The following POU6F2 variants were observed in gnomAD, a reference collection of about 807,000 sequenced individuals.
POU6F2 encodes the protein POU domain, class 6, transcription factor 2.
In POU6F2, 31 loss-of-function variants were observed where a neutral mutation model predicts 71.3. The ratio of observed to expected loss-of-function variants is 0.43; its 90% confidence interval spans 0.33 to 0.59. The LOEUF (loss-of-function observed/expected upper bound fraction) is 0.59, where lower values mean the gene tolerates loss of function less well. Ranked by LOEUF, POU6F2 falls within the 20% of genes least tolerant of loss-of-function variation. POU6F2 has a pLI of 0.04. For synonymous variants in POU6F2, 347 were observed against 355.7 expected, an observed-to-expected ratio of 0.98 and a Z score of 0.27; for missense variants, 783 against 856.8, an observed-to-expected ratio of 0.91 and a Z score of 1.07.
At position 39,064,967 on chromosome 7, in the gene POU6F2, C is replaced by T. The variant is rs139777215; in HGVS notation, c.106-20893C>T. On this transcript the variant is annotated intron_variant, in intron 1 of 9. Transcript: ENST00000518318. The stretch of plus-strand genomic sequence containing the variant: ...CAATGCGAAGTTGATTAAAAACCAG[C>T]ATTGTGAGAAATATTAACTCATCGG... Among the ~76,000 whole-genome samples the T allele has an allele frequency of 6.8e-3, 1,040 of 151,928 alleles. 11 individuals are homozygous for T. Among genetic ancestry groups the T allele is most frequent in the African/African-American group, 0.023 (969 of 41,552 alleles).
intron 4 of POU6F2, among the ~76,000 whole-genome samples, chr7:39,311,468 A>G (rs1223514646): frequency 1.3e-5 from 2 of 152,210 alleles, no homozygotes; most frequent in Non-Finnish European, 2.9e-5. Context: ...TTCCTCCGCT[A>G]GAACGTAAGC....
intron 5 of POU6F2, among the ~76,000 whole-genome samples, chr7:39,380,180 AT>A: frequency 6.6e-6 from 1 of 152,192 alleles, no homozygotes; most frequent in Non-Finnish European, 1.5e-5. Flanking sequence ...GGCCTAAAAA[AT>A]TCTCTTTTAT....
At chr7:39,430,151 A>G (rs918277864) in intron 6 of POU6F2, among the ~76,000 whole-genome samples, 7 of 152,258 alleles carry the variant, frequency 4.6e-5, no homozygotes, top group Non-Finnish European at 8.8e-5. Flanking sequence ...ATGGGAGCCA[A>G]TTGAAACCAA....
intron 1 of POU6F2, among the ~76,000 whole-genome samples, chr7:39,041,169 G>C (rs558616778): frequency 9.2e-5 from 14 of 152,100 alleles, no homozygotes; most frequent in African/African-American, 2.6e-4. Context: ...CTTGTTCCAA[G>C]TCAGTACATA....
rs148122179 is a variant in POU6F2 at position 39,163,165 on chromosome 7, A to G, written c.278-41070A>G. Among the ~76,000 whole-genome samples the G allele has an allele frequency of 2.2e-3, 330 of 152,332 alleles. 2 individuals are homozygous for G. The highest frequency in any genetic ancestry group is 4.0e-3 in the Non-Finnish European group (275 of 68,028). On this transcript the variant is annotated intron_variant, in intron 2 of 9. Coordinates refer to ENST00000518318, the MANE Select transcript of POU6F2 (RefSeq NM_001370959.1). ...GAGAATATCAAGCCCTGATCTACCT[A>G]AGGAAGTTTTGTGGACAATTAATTA... is the stretch of plus-strand genomic sequence containing the variant.
At chr7:39,006,534 A>T (rs1385451865) in intron 1 of POU6F2, among the ~76,000 whole-genome samples, 3 of 152,120 alleles carry the variant, frequency 2.0e-5, no homozygotes, top group Non-Finnish European at 4.4e-5. Flanking sequence ...TACAAGCCAC[A>T]CCTTCAAAAT....
chr7:39,142,467 G>A (rs1301247436), intron 2 of POU6F2, among the ~76,000 whole-genome samples: 1 of 152,142 alleles, frequency 6.6e-6, no homozygotes, highest in African/African-American at 2.4e-5. Flanking sequence ...CTGTATTAAA[G>A]GAAGAGAAAG....
At chr7:39,354,804 A>C (rs1786219400) in intron 5 of POU6F2, among the ~76,000 whole-genome samples, 1 of 152,212 alleles carries the variant, frequency 6.6e-6, no homozygotes, top group African/African-American at 2.4e-5. Context: ...CTTTATCAGG[A>C]AACTAGATAA....
chr7:39,285,585 T>C (rs575716071), intron 4 of POU6F2, among the ~76,000 whole-genome samples: 2 of 152,338 alleles, frequency 1.3e-5, no homozygotes, highest in African/African-American at 2.4e-5. Flanking sequence ...GGCAATGATA[T>C]GGATTTCAAC....
rs58426134 is a variant in POU6F2 at position 39,030,500 on chromosome 7, CTATATATATATATATATATATATATATA to C, written c.105+52459_105+52486del. Among the ~76,000 whole-genome samples the C allele has an allele frequency of 5.4e-4, 25 of 46,244 alleles. No homozygotes were observed. The East Asian group carries it at 7.9e-3, about 15-fold the overall frequency. 30.3% of individuals were successfully genotyped at this position (46,244 alleles called of 152,430 possible). ...TCCTGTATTGAACTTTCAAAAAATA[CTATATATATATATATATATATATATATA>C]TATATATATATATATACACACACAT... On this transcript the variant is annotated intron_variant, in intron 1 of 9. Transcript: ENST00000518318.
rs566293254 is a variant in POU6F2 at position 39,338,401 on chromosome 7, A to AT, written c.599-1240dup. 4.4e-4 allele frequency among the ~76,000 whole-genome samples: 67 copies of AT among 152,212 alleles called. 1 individual carries two copies. In the South Asian group the frequency reaches 0.01, roughly 24 times the overall value. ...ATGCCATCTCTATCTCTACGATTACATCACAAGCCCCAGAACACCCTGGCT... is the reference window on the plus strand; with the variant it reads ...ATGCCATCTCTATCTCTACGATTACATTCACAAGCCCCAGAACACCCTGGCT... On this transcript the variant is annotated intron_variant, in intron 4 of 9. Transcript: ENST00000518318.
chr7:39,108,260 A>G (rs1398753614), intron 2 of POU6F2, among the ~76,000 whole-genome samples: 1 of 150,162 alleles, frequency 6.7e-6, no homozygotes, highest in Non-Finnish European at 1.5e-5. Context: ...AAGGAAGTTG[A>G]AATGTTTCCC....
intron 2 of POU6F2, among the ~76,000 whole-genome samples, chr7:39,189,914 G>C (rs907550317): frequency 1.3e-5 from 2 of 151,444 alleles, no homozygotes; most frequent in Non-Finnish European, 2.9e-5. Context: ...TATGTATGTC[G>C]ACAGGGCCTC....
intron 4 of POU6F2, among the ~76,000 whole-genome samples, chr7:39,270,078 C>T (rs746956864): frequency 4.6e-5 from 7 of 152,182 alleles, no homozygotes; most frequent in Non-Finnish European, 8.8e-5. Context: ...CTGTAGATCT[C>T]GTTTATTTCT....
chr7:39,211,341 C>T lies in POU6F2; in HGVS notation c.598+3721C>T, dbSNP rs546519993. On this transcript the variant is annotated intron_variant, in intron 4 of 9. Coordinates refer to ENST00000518318, the MANE Select transcript of POU6F2 (RefSeq NM_001370959.1). ...TAATGCTCCCGCTCTCACTCACCAC[C>T]CCAGGCCTCCAGATGAGAATGACAG... Among the ~76,000 whole-genome samples the T allele has an allele frequency of 2.0e-5, 3 of 152,234 alleles. 1 individual carries two copies. In the East Asian group the frequency reaches 5.8e-4, roughly 29 times the overall value.
rs1464844117 is a variant in POU6F2 at position 39,085,955 on chromosome 7, A to G, written c.201A>G (p.Ser67=). The G allele has an allele frequency of 6.2e-7, 1 of 1,613,758 alleles. No homozygotes were observed. Among genetic ancestry groups the G allele is most frequent in the South Asian group, 1.1e-5 (1 of 91,052 alleles). The change falls in exon 2 of 10, where the codon TCA becomes TCG. Residue 67 remains serine (S), a synonymous_variant. Coordinates refer to ENST00000518318, the MANE Select transcript of POU6F2 (RefSeq NM_001370959.1). ...GAGGTGAGGACAAGGCTGCTACTTCAGACAGCGAGCTGAATGAGCCCCTGC... is the reference window on the plus strand; with the variant it reads ...GAGGTGAGGACAAGGCTGCTACTTCGGACAGCGAGCTGAATGAGCCCCTGC... ...ELRGEDKAAT[S]DSELNEPLLA...
At chr7:39,042,299 G>A (rs1402056194) in intron 1 of POU6F2, among the ~76,000 whole-genome samples, 1 of 151,988 alleles carries the variant, frequency 6.6e-6, no homozygotes, top group African/African-American at 2.4e-5. Context: ...CAGCTTCCTG[G>A]TTCATGGGAG....
intron 2 of POU6F2, among the ~76,000 whole-genome samples, chr7:39,176,094 T>C (rs1441183626): frequency 6.6e-6 from 1 of 152,214 alleles, no homozygotes; most frequent in Non-Finnish European, 1.5e-5. Context: ...AGTGCTTTTA[T>C]TGGCCAGCAA....
At chr7:39,457,766 A>G (rs1465803506) in intron 8 of POU6F2, among the ~76,000 whole-genome samples, 2 of 152,172 alleles carry the variant, frequency 1.3e-5, no homozygotes, top group African/African-American at 2.4e-5. Context: ...TAAAAGTGAT[A>G]TTGTTACATG....
Sources: allele counts gnomAD v4.1 joint callset (sites outside exome capture counted in the v4.1 genomes callset), GRCh38; gene constraint gnomAD v4.1.1; transcripts MANE v1.5; gene names NCBI Gene and HGNC (gene_info 2026-07-23, HGNC 2026-07-21).